The following SLC25A42 variants were observed in gnomAD, a reference collection of about 807,000 sequenced individuals.
SLC25A42 encodes mitochondrial coenzyme A transporter SLC25A42.
Under a neutral mutation model 34.7 loss-of-function variants are expected in SLC25A42, and 19 were observed. The observed-to-expected ratio is 0.55, with a 90% CI of 0.38 to 0.80. The LOEUF is 0.80. SLC25A42 is among the 30% of genes least tolerant of loss of function. The pLI is 0.00. For missense variants in SLC25A42, 364 were observed against 441.3 expected, an observed-to-expected ratio of 0.82 and a Z score of 1.57; for synonymous variants, 205 against 191.2, an observed-to-expected ratio of 1.07 and a Z score of -0.59.
intron 1 of SLC25A42, among the ~76,000 whole-genome samples, chr19:19,068,216 G>A (rs923744628): frequency 2.6e-5 from 4 of 151,858 alleles, no homozygotes; most frequent in East Asian, 1.9e-4. Flanking sequence ...TTAGCCAGGC[G>A]TAGTGGCATG....
At chr19:19,086,973 G>C (rs1261135761) in intron 1 of SLC25A42, among the ~76,000 whole-genome samples, 1 of 152,014 alleles carries the variant, frequency 6.6e-6, no homozygotes, top group Non-Finnish European at 1.5e-5. Flanking sequence ...CATGTGTGTG[G>C]GGGGGTGCGC....
At position 19,109,555 on chromosome 19, in the gene SLC25A42, CTAG is replaced by C. The variant is rs2059851668; in HGVS notation, c.650-1010_650-1008del. 1.3e-5 allele frequency among the ~76,000 whole-genome samples: 2 copies of C among 152,190 alleles called. No individual in the cohort carries two copies. The highest frequency in any genetic ancestry group is 4.1e-4 in the South Asian group (2 of 4,826). ...AAGCCATTCTCCTGCCTCAGCCTCC[CTAG>C]TAGCTGGGATTACAGGCGCCCACCA... On this transcript the variant is annotated intron_variant, in intron 7 of 7. Coordinates refer to ENST00000318596, the MANE Select transcript of SLC25A42 (RefSeq NM_178526.5). This position sits in a 1 kb window ranked among gnomAD's most constrained non-coding sequence, Gnocchi z 4.1.
intron 1 of SLC25A42, among the ~76,000 whole-genome samples, chr19:19,076,080 T>A (rs968750829): frequency 1.3e-5 from 2 of 152,326 alleles, no homozygotes; most frequent in East Asian, 3.9e-4. Flanking sequence ...CCCAGAATGC[T>A]GTCCTCAGAA....
chr19:19,103,218 C>T (rs558063038), intron 3 of SLC25A42, among the ~76,000 whole-genome samples: 118 of 152,210 alleles, frequency 7.8e-4, no homozygotes, highest in African/African-American at 1.8e-3. Flanking sequence ...CTTAGCCTCC[C>T]GAGTAGCTGG....
chr19:19,066,972 A>C (rs2059605880), intron 1 of SLC25A42, among the ~76,000 whole-genome samples: 1 of 145,476 alleles, frequency 6.9e-6, no homozygotes, highest in South Asian at 2.2e-4. Flanking sequence ...AGCTATAATC[A>C]TGCCACTGCA....
At position 19,108,654 on chromosome 19, in the gene SLC25A42, A is replaced by T. The variant is rs144520473; in HGVS notation, c.649+609A>T. On this transcript the variant is annotated intron_variant, in intron 7 of 7. Coordinates refer to ENST00000318596, the MANE Select transcript of SLC25A42 (RefSeq NM_178526.5). The stretch of plus-strand genomic sequence containing the variant: ...CGCAAAGCATATGGGTAAAACCCAG[A>T]TGGAAAGGAAGTACTCTTGCTTGTT... 4.3e-3 allele frequency among the ~76,000 whole-genome samples: 648 copies of T among 152,346 alleles called. 7 individuals carry two copies. Among genetic ancestry groups the T allele is most frequent in the African/African-American group, 0.015 (626 of 41,576 alleles).
At chr19:19,102,010 T>A in intron 3 of SLC25A42, 124 bp downstream of exon 3, 2 of 687,380 alleles carry the variant, frequency 2.9e-6, no homozygotes. Flanking sequence ...TAAGGTTTTT[T>A]GTTGTTTTTT....
At chr19:19,089,900 C>A (rs1268170212) in intron 1 of SLC25A42, among the ~76,000 whole-genome samples, 1 of 152,184 alleles carries the variant, frequency 6.6e-6, no homozygotes, top group Non-Finnish European at 1.5e-5. Flanking sequence ...CCTCTAAACT[C>A]TAACAAATGA....
intron 1 of SLC25A42, among the ~76,000 whole-genome samples, chr19:19,094,054 A>T (rs1038420613): frequency 3.9e-5 from 6 of 152,222 alleles, no homozygotes; most frequent in African/African-American, 1.4e-4. Flanking sequence ...TCAGAGGCAC[A>T]TGCGTCCACC....
chr19:19,089,855 C>G (rs1211614330), intron 1 of SLC25A42, among the ~76,000 whole-genome samples: 1 of 93,246 alleles, frequency 1.1e-5, no homozygotes, highest in East Asian at 3.5e-4. Flanking sequence ...GGTGACAGAG[C>G]GAGACTCCGT....
intron 1 of SLC25A42, 23 bp from the exon 2 acceptor site, chr19:19,096,068 A>G (rs1483461470): frequency 6.7e-7 from 1 of 1,484,150 alleles, no homozygotes; most frequent in East Asian, 2.3e-5. Context: ...GCCGTATCTT[A>G]CCACCTCCCC....
At chr19:19,082,687 G>T (rs2059687580) in intron 1 of SLC25A42, among the ~76,000 whole-genome samples, 2 of 151,776 alleles carry the variant, frequency 1.3e-5, no homozygotes, top group Admixed American at 1.3e-4. Context: ...TTGAGACAAG[G>T]TCTTGCTGTG....
intron 1 of SLC25A42, among the ~76,000 whole-genome samples, chr19:19,067,493 G>T (rs1599660979): frequency 6.6e-6 from 1 of 152,088 alleles, no homozygotes; most frequent in East Asian, 1.9e-4. Flanking sequence ...CTAAGGTGGA[G>T]AACTGCTTGA....
At chr19:19,092,005 C>T (rs1295099656) in intron 1 of SLC25A42, among the ~76,000 whole-genome samples, 1 of 152,166 alleles carries the variant, frequency 6.6e-6, no homozygotes, top group Non-Finnish European at 1.5e-5. Context: ...TGCTGGGACT[C>T]CCTCCTTGGC....
At chr19:19,071,536 G>A (rs373727076) in intron 1 of SLC25A42, among the ~76,000 whole-genome samples, 12 of 152,154 alleles carry the variant, frequency 7.9e-5, no homozygotes, top group East Asian at 7.7e-4. Flanking sequence ...TGAAGCTAAT[G>A]AGGAATTAAC....
At chr19:19,073,447 A>G (rs1054295463) in intron 1 of SLC25A42, among the ~76,000 whole-genome samples, 4 of 152,210 alleles carry the variant, frequency 2.6e-5, no homozygotes, top group Non-Finnish European at 4.4e-5. Flanking sequence ...GAAGTTTGCC[A>G]GGATCGGAGA....
intron 1 of SLC25A42, among the ~76,000 whole-genome samples, chr19:19,090,325 A>C (rs574183703): frequency 6.6e-6 from 1 of 152,276 alleles, no homozygotes; most frequent in African/African-American, 2.4e-5. Context: ...TCTTTTTCTC[A>C]CTCATCTTAG....
At chr19:19,082,821 T>G (rs112766840) in intron 1 of SLC25A42, among the ~76,000 whole-genome samples, 4,173 of 152,008 alleles carry the variant, frequency 0.027, 114 homozygotes, top group African/African-American at 0.071. Context: ...TAATTTTTTT[T>G]TTGTTGTTGT....
chr19:19,107,882 C>G lies in SLC25A42; in HGVS notation c.498-12C>G. ...CCTGAGTCCCACCTGCTGGGCTGCTCTGTCCTGGCAGGTACAGCAACATCT... is the reference window on the plus strand; with the variant it reads ...CCTGAGTCCCACCTGCTGGGCTGCTGTGTCCTGGCAGGTACAGCAACATCT... On this transcript the variant is annotated splice_polypyrimidine_tract_variant and intron_variant, in intron 6 of 7. Coordinates refer to ENST00000318596, the MANE Select transcript of SLC25A42 (RefSeq NM_178526.5). 1 of 1,613,886 alleles carries G rather than the reference C, an allele frequency of 6.2e-7. No homozygotes were observed. The highest frequency in any genetic ancestry group is 8.5e-7 in the Non-Finnish European group (1 of 1,179,956).
Sources: gnomAD v4.1 joint callset for allele counts (sites outside exome capture counted in the v4.1 genomes callset) on GRCh38, gnomAD v4.1.1 for gene constraint, Gnocchi (gnomAD v3.1) non-coding constraint, MANE v1.5 for transcripts, NCBI Gene and HGNC (gene_info 2026-07-23, HGNC 2026-07-21) for gene names.